PRKG2: variants seen among roughly 807,000 people sequenced by gnomAD.
The protein encoded by PRKG2 is cGMP-dependent protein kinase 2.
Under a neutral mutation model 97.2 loss-of-function variants are expected in PRKG2, and 33 were observed. The observed-to-expected ratio is 0.34, with a 90% CI of 0.26 to 0.45. The LOEUF is 0.45. Among genes scored for constraint, PRKG2 ranks in the 20% least tolerant of loss-of-function variants. The pLI is 1.00. For synonymous variants in PRKG2, 330 were observed against 321.8 expected, an observed-to-expected ratio of 1.03 and a Z score of -0.27; for missense variants, 638 against 900.0, an observed-to-expected ratio of 0.71 and a Z score of 3.73.
intron 15 of PRKG2, among the ~76,000 whole-genome samples, chr4:81,109,595 G>A (rs1370870080): frequency 6.6e-6 from 1 of 152,056 alleles, no homozygotes; most frequent in Non-Finnish European, 1.5e-5. Flanking sequence ...CTCTCACCTG[G>A]TTTTCTAATC....
At chr4:81,156,570 C>T (rs1219892702) in intron 6 of PRKG2, among the ~76,000 whole-genome samples, 1 of 152,104 alleles carries the variant, frequency 6.6e-6, no homozygotes. Context: ...CAGCTCTGCA[C>T]CAAGCTGACC....
intron 6 of PRKG2, among the ~76,000 whole-genome samples, chr4:81,155,931 A>G (rs1749046310): frequency 6.6e-6 from 1 of 152,168 alleles, no homozygotes. Context: ...TGAAGGAAGC[A>G]CTAAACATGG....
chr4:81,138,611 T>G (rs1746953034), intron 12 of PRKG2, among the ~76,000 whole-genome samples: 1 of 152,174 alleles, frequency 6.6e-6, no homozygotes, highest in Non-Finnish European at 1.5e-5. Flanking sequence ...ACCAGTGAGA[T>G]AAATGTGTTG....
At chr4:81,181,355 T>G (rs946984871) in intron 2 of PRKG2, among the ~76,000 whole-genome samples, 1 of 151,854 alleles carries the variant, frequency 6.6e-6, no homozygotes, top group Non-Finnish European at 1.5e-5. Flanking sequence ...TAATAAAATA[T>G]GACATAAAAC....
intron 2 of PRKG2, among the ~76,000 whole-genome samples, chr4:81,189,815 C>G (rs57715585): frequency 0.13 from 20,113 of 152,042 alleles, 1,733 homozygotes; most frequent in Middle Eastern, 0.22. Flanking sequence ...CATGAGTGAA[C>G]TCCCATTCAC....
At chr4:81,092,345 C>A in intron 18 of PRKG2, 41 bp downstream of exon 18, 3 of 1,347,696 alleles carry the variant, frequency 2.2e-6, no homozygotes, top group Non-Finnish European at 3.1e-6. Flanking sequence ...AAAACAAATC[C>A]CTGGGAAAAA....
chr4:81,135,511 A>G (rs1172143513), intron 13 of PRKG2, among the ~76,000 whole-genome samples: 1 of 152,214 alleles, frequency 6.6e-6, no homozygotes, highest in Non-Finnish European at 1.5e-5. Flanking sequence ...GAACTACTTC[A>G]CTAAAATTAA....
intron 15 of PRKG2, among the ~76,000 whole-genome samples, chr4:81,106,564 T>C (rs566229871): frequency 9.9e-5 from 15 of 152,170 alleles, no homozygotes; most frequent in Non-Finnish European, 1.8e-4. Flanking sequence ...GGATAAACTA[T>C]GATGATGGTA....
intron 17 of PRKG2, among the ~76,000 whole-genome samples, chr4:81,099,816 A>G (rs905705680): frequency 3.3e-5 from 5 of 152,216 alleles, no homozygotes; most frequent in Non-Finnish European, 7.3e-5. Flanking sequence ...AGGAAACCCC[A>G]CTGTCTCAGC....
chr4:81,206,482 C>T (rs1406232339), intron 1 of PRKG2, among the ~76,000 whole-genome samples: 1 of 152,114 alleles, frequency 6.6e-6, no homozygotes, highest in Non-Finnish European at 1.5e-5. Context: ...GAGGCTTCCC[C>T]AGCCATGTAG....
At chr4:81,183,474 T>C (rs1342128669) in intron 2 of PRKG2, among the ~76,000 whole-genome samples, 1 of 152,138 alleles carries the variant, frequency 6.6e-6, no homozygotes, top group African/African-American at 2.4e-5. Context: ...AGTACGCTTT[T>C]CCCATGGTCT....
At chr4:81,146,972 G>C (rs963564483) in intron 9 of PRKG2, among the ~76,000 whole-genome samples, 15 of 152,138 alleles carry the variant, frequency 9.9e-5, no homozygotes, top group Non-Finnish European at 2.1e-4. Context: ...GTAAATCCAA[G>C]ATGTAAGTAA....
At chr4:81,210,364 A>G (rs113468361) in intron 1 of PRKG2, among the ~76,000 whole-genome samples, 1 of 152,314 alleles carries the variant, frequency 6.6e-6, no homozygotes, top group Non-Finnish European at 1.5e-5. Flanking sequence ...TAGGAAAACA[A>G]ACAACCCAAC....
In PRKG2 at chr4:81,105,845, T is replaced by C. The variant is rs1743268618; in HGVS notation, c.2031A>G (p.Arg677=). 6.2e-7 allele frequency: 1 copy of C among 1,613,762 alleles called. No individual in the cohort carries two copies. Among genetic ancestry groups the C allele is most frequent in the African/African-American group, 1.3e-5 (1 of 74,910 alleles). Residue 677 remains arginine, a synonymous_variant, in exon 16 of 19, where the codon CGA becomes CGG. Transcript: ENST00000264399. ...GCCTCCGAATCAAATCCTCAGGTCG[T>C]CGTGTTATCTTCCTGGGAAAATCCA... ...EKMDFPRKIT[R]RPEDLIRRLC...
At chr4:81,094,576 G>C (rs1010326363) in intron 17 of PRKG2, among the ~76,000 whole-genome samples, 26 of 152,220 alleles carry the variant, frequency 1.7e-4, no homozygotes, top group African/African-American at 6.3e-4. Context: ...TCAGACAGTA[G>C]TAAGTACAAG....
chr4:81,101,411 T>C (rs1742754519), intron 17 of PRKG2, among the ~76,000 whole-genome samples: 1 of 152,140 alleles, frequency 6.6e-6, no homozygotes, highest in South Asian at 2.1e-4. Flanking sequence ...TTCATGTCCT[T>C]TGTAGGGACG....
chr4:81,180,829 A>T (rs74287340), intron 2 of PRKG2, among the ~76,000 whole-genome samples: 36,367 of 151,480 alleles, frequency 0.24, 8,449 homozygotes, highest in African/African-American at 0.59. Context: ...CACATTCATT[A>T]CTTTTTTTAT....
intron 2 of PRKG2, among the ~76,000 whole-genome samples, chr4:81,185,843 CT>C (rs1560612643): frequency 6.6e-6 from 1 of 152,130 alleles, no homozygotes; most frequent in African/African-American, 2.4e-5. Flanking sequence ...ATAAAACAGA[CT>C]TTAAACCTAC....
intron 1 of PRKG2, among the ~76,000 whole-genome samples, chr4:81,212,314 G>A (rs183383311): frequency 4.2e-5 from 6 of 143,182 alleles, no homozygotes; most frequent in Middle Eastern, 3.6e-3. Context: ...GAATGTTCGC[G>A]GTGAATTTTA....
Sources: allele counts gnomAD v4.1 joint callset (sites outside exome capture counted in the v4.1 genomes callset), GRCh38; gene constraint gnomAD v4.1.1; transcripts MANE v1.5; gene names NCBI Gene and HGNC (gene_info 2026-07-23, HGNC 2026-07-21).